FBXW11: variants seen among roughly 807,000 people sequenced by gnomAD.
FBXW11 encodes the protein F-box and WD repeat domain containing 11.
A neutral mutation model predicts 77.6 loss-of-function variants in FBXW11; 19 were observed. The ratio of observed to expected loss-of-function variants is 0.24; its 90% confidence interval spans 0.17 to 0.36. FBXW11 has a LOEUF of 0.36. FBXW11 is among the 10% of genes least tolerant of loss of function. FBXW11 has a pLI of 1.00. For missense variants in FBXW11, 334 were observed against 704.2 expected (o/e 0.47, Z 5.95); for synonymous variants, 235 against 249.4 (o/e 0.94, Z 0.54).
intron 2 of FBXW11, among the ~76,000 whole-genome samples, chr5:171,927,273 A>C (rs962821866): frequency 6.6e-6 from 1 of 152,252 alleles, no homozygotes; most frequent in Non-Finnish European, 1.5e-5. Flanking sequence ...ACTGGACTAC[A>C]TATGTGGATT....
chr5:171,980,435 G>C (rs1311591062), intron 1 of FBXW11, among the ~76,000 whole-genome samples: 1 of 152,074 alleles, frequency 6.6e-6, no homozygotes, highest in African/African-American at 2.4e-5. Context: ...CAGTGGAAAG[G>C]CAAGCCACAA....
intron 2 of FBXW11, among the ~76,000 whole-genome samples, chr5:171,949,276 A>C (rs1275995619): frequency 6.6e-6 from 1 of 152,250 alleles, no homozygotes; most frequent in Non-Finnish European, 1.5e-5. Context: ...ATCATTGGAC[A>C]CAAGGAAGTG....
chr5:171,979,329 C>T (rs957890547), intron 1 of FBXW11, among the ~76,000 whole-genome samples: 1 of 151,704 alleles, frequency 6.6e-6, no homozygotes, highest in South Asian at 2.1e-4. Flanking sequence ...TATATACATA[C>T]ATAATACATA....
At chr5:171,958,826 A>C (rs572220786) in intron 1 of FBXW11, among the ~76,000 whole-genome samples, 4 of 152,324 alleles carry the variant, frequency 2.6e-5, no homozygotes, top group South Asian at 4.1e-4. Flanking sequence ...CAACCAAAAC[A>C]TCCCAGAAGT....
intron 6 of FBXW11, among the ~76,000 whole-genome samples, chr5:171,892,549 AC>A (rs1759426435): frequency 6.6e-6 from 1 of 152,216 alleles, no homozygotes; most frequent in Non-Finnish European, 1.5e-5. Context: ...AAGATCAGTA[AC>A]AATTCCAAAA....
chr5:171,966,874 A>C (rs1291654290), intron 1 of FBXW11, among the ~76,000 whole-genome samples: 1 of 152,178 alleles, frequency 6.6e-6, no homozygotes. Flanking sequence ...GCTATACCGT[A>C]CTCATTAACT....
chr5:171,956,640 G>A (rs1276582709), intron 2 of FBXW11, among the ~76,000 whole-genome samples: 1 of 152,174 alleles, frequency 6.6e-6, no homozygotes, highest in Non-Finnish European at 1.5e-5. Context: ...AGATAAACTT[G>A]AGAACAGCAA....
intron 1 of FBXW11, among the ~76,000 whole-genome samples, chr5:171,998,796 CAAAAAAAAAAAA>C (rs34476350): frequency 1.0e-4 from 6 of 60,036 alleles, no homozygotes; most frequent in Non-Finnish European, 2.3e-4. Context: ...GACTCCGTCT[CAAAAAAAAAAAA>C]AAAAAAAAGA....
At chr5:171,866,270 GAA>G (rs10706150) in intron 13 of FBXW11, among the ~76,000 whole-genome samples, 15 of 133,326 alleles carry the variant, frequency 1.1e-4, no homozygotes, top group African/African-American at 2.9e-4. Flanking sequence ...GTCTCAAAGG[GAA>G]AAAAAAAAAA....
intron 1 of FBXW11, among the ~76,000 whole-genome samples, chr5:171,978,995 AAT>A (rs1261145831): frequency 6.6e-6 from 1 of 152,194 alleles, no homozygotes; most frequent in Admixed American, 6.5e-5. Context: ...TCATGCAGAG[AAT>A]ATAGTCTGTC....
chr5:171,867,724 T>C (rs924746435), intron 13 of FBXW11: 4 of 152,194 alleles, frequency 2.6e-5, no homozygotes, highest in Non-Finnish European at 4.4e-5. Flanking sequence ...TGAAATTCAA[T>C]GAACAGGAAA....
At chr5:171,897,409 C>T (rs996463694) in intron 6 of FBXW11, among the ~76,000 whole-genome samples, 1 of 152,144 alleles carries the variant, frequency 6.6e-6, no homozygotes, top group Non-Finnish European at 1.5e-5. Context: ...GGGTAGACCA[C>T]CATGATGTAG....
chr5:171,870,902 G>T (rs1474727153), intron 10 of FBXW11, 44 bp from the exon 11 acceptor site: 3 of 1,373,756 alleles, frequency 2.2e-6, no homozygotes, highest in South Asian at 1.2e-5. Flanking sequence ...TCCCACACAC[G>T]ATTCACACTA....
chr5:171,927,217 CAG>C (rs1439628819), intron 2 of FBXW11, among the ~76,000 whole-genome samples: 1 of 152,144 alleles, frequency 6.6e-6, no homozygotes, highest in Non-Finnish European at 1.5e-5. Context: ...TGAAAACATT[CAG>C]AGATTGAAAA....
chr5:171,899,109 C>T lies in FBXW11; in HGVS notation c.624-15G>A, dbSNP rs751483002. ...GGTACTGATCCCTGGCAAATAAAAA[C>T]AAACAGATGTTACATTTTTGCACAT... On this transcript the variant is annotated splice_polypyrimidine_tract_variant and intron_variant, in intron 5 of 13. Coordinates refer to ENST00000517395, the MANE Select transcript of FBXW11 (RefSeq NM_001378974.1). 3 of 1,549,636 alleles carry T rather than the reference C, an allele frequency of 1.9e-6. No homozygotes were observed. In the East Asian group the frequency reaches 6.8e-5, roughly 35 times the overall value.
At chr5:171,866,826 A>G (rs1437297438) in intron 13 of FBXW11, among the ~76,000 whole-genome samples, 2 of 152,254 alleles carry the variant, frequency 1.3e-5, no homozygotes, top group African/African-American at 4.8e-5. Context: ...CCTATTTTAA[A>G]GCTCCATTCA....
Position 171,952,875 on chromosome 5 carries a change from T to C in FBXW11, c.147+4722A>G, listed in dbSNP as rs1261493476. Among the ~76,000 whole-genome samples, 3 of 152,164 alleles carry C rather than the reference T, an allele frequency of 2.0e-5. No individual in the cohort carries two copies. The East Asian group carries it at 5.8e-4, about 29-fold the overall frequency. ...AGATTTTTTTTCTTTCGCAATTTTTTTTTTTAGCTCATCAGCTATCGTTAG... is the reference window on the plus strand; with the variant it reads ...AGATTTTTTTTCTTTCGCAATTTTTCTTTTTAGCTCATCAGCTATCGTTAG... On this transcript the variant is annotated intron_variant, in intron 2 of 13. Coordinates refer to ENST00000517395, the MANE Select transcript of FBXW11 (RefSeq NM_001378974.1).
intron 2 of FBXW11, among the ~76,000 whole-genome samples, chr5:171,931,835 C>G (rs62381955): frequency 6.2e-5 from 2 of 32,092 alleles, no homozygotes; most frequent in Non-Finnish European, 1.2e-4. Flanking sequence ...CTCTCTCTCT[C>G]CCTCCCTCCC....
intron 2 of FBXW11, among the ~76,000 whole-genome samples, chr5:171,950,091 GAAT>G (rs1212006991): frequency 6.6e-6 from 1 of 152,012 alleles, no homozygotes; most frequent in Non-Finnish European, 1.5e-5. Flanking sequence ...TTATTAAATG[GAAT>G]ATTATACAAT....
Sources: allele counts gnomAD v4.1 joint callset (sites outside exome capture counted in the v4.1 genomes callset), GRCh38; gene constraint gnomAD v4.1.1; transcripts MANE v1.5; gene names NCBI Gene and HGNC (gene_info 2026-07-23, HGNC 2026-07-21).